Variants in ASIC5 observed in about 807,000 individuals in gnomAD.
ASIC5 encodes the protein bile acid-sensitive ion channel.
A neutral mutation model predicts 51.2 loss-of-function variants in ASIC5; 52 were observed. The ratio of observed to expected loss-of-function variants is 1.02; its 90% confidence interval spans 0.81 to 1.28. The LOEUF is 1.28. Ranked by LOEUF, ASIC5 falls within the 50% of genes most tolerant of loss-of-function variation. ASIC5 has a pLI of 0.00. For missense variants in ASIC5, 635 were observed against 595.0 expected (o/e 1.07, Z -0.70); for synonymous variants, 231 against 200.7 (o/e 1.15, Z -1.28).
chr4:155,856,130 T>C (rs1741531845), intron 2 of ASIC5, among the ~76,000 whole-genome samples: 2 of 152,106 alleles, frequency 1.3e-5, no homozygotes, highest in Non-Finnish European at 2.9e-5. Context: ...ACATTCTTTC[T>C]ATAATCTCAA....
intron 4 of ASIC5, among the ~76,000 whole-genome samples, chr4:155,844,512 T>G (rs10009934): frequency 0.072 from 10,932 of 152,086 alleles, 1,025 homozygotes; most frequent in African/African-American, 0.22. Context: ...AACCAGCTGA[T>G]GTTAATTTCT....
intron 4 of ASIC5, 147 bp downstream of exon 4, chr4:155,852,044 A>G (rs1741392882): frequency 1.1e-6 from 1 of 901,160 alleles, no homozygotes; most frequent in Non-Finnish European, 1.6e-6. Context: ...GTAGTTATAT[A>G]AAATCCATAG....
At chr4:155,838,087 A>G (rs1741028351) in intron 7 of ASIC5, among the ~76,000 whole-genome samples, 1 of 152,204 alleles carries the variant, frequency 6.6e-6, no homozygotes, top group African/African-American at 2.4e-5. Context: ...TTTTACAACC[A>G]TTGAAAAGAA....
chr4:155,835,559 A>G (rs1740959968), intron 8 of ASIC5, among the ~76,000 whole-genome samples: 2 of 152,180 alleles, frequency 1.3e-5, no homozygotes, highest in Admixed American at 6.5e-5. Flanking sequence ...GGAGATTTCT[A>G]TCAACCAAAA....
At chr4:155,863,185 T>C (rs1741757969) in intron 2 of ASIC5, among the ~76,000 whole-genome samples, 1 of 152,154 alleles carries the variant, frequency 6.6e-6, no homozygotes, top group South Asian at 2.1e-4. Flanking sequence ...CTCTTTTACA[T>C]CTATTTAATG....
intron 8 of ASIC5, 77 bp from the exon 9 acceptor site, chr4:155,831,992 T>A (rs1247384145): frequency 6.7e-6 from 5 of 751,730 alleles, no homozygotes; most frequent in Non-Finnish European, 8.7e-6. Context: ...AAAGGTAATA[T>A]TCATTTTTGT....
intron 4 of ASIC5, among the ~76,000 whole-genome samples, chr4:155,847,265 C>A (rs953993628): frequency 7.2e-5 from 11 of 152,054 alleles, no homozygotes; most frequent in African/African-American, 2.4e-4. Context: ...AAGGTTATTA[C>A]ATCCATGTAT....
intron 7 of ASIC5, among the ~76,000 whole-genome samples, 154 bp downstream of exon 7, chr4:155,838,659 T>C (rs111877917): frequency 1.6e-4 from 24 of 152,314 alleles, no homozygotes; most frequent in African/African-American, 5.8e-4. Flanking sequence ...CCTGTGTTTG[T>C]TAGCTACTAT....
At chr4:155,835,760 C>A (rs1464301965) in intron 8 of ASIC5, among the ~76,000 whole-genome samples, 1 of 152,116 alleles carries the variant, frequency 6.6e-6, no homozygotes, top group Non-Finnish European at 1.5e-5. Flanking sequence ...ACTCCATTAG[C>A]CCTGTTTTGA....
intron 4 of ASIC5, among the ~76,000 whole-genome samples, chr4:155,846,191 C>A (rs1399428495): frequency 6.6e-6 from 1 of 151,928 alleles, no homozygotes; most frequent in Non-Finnish European, 1.5e-5. Flanking sequence ...TTTAAAATTA[C>A]TAGTAAAGTA....
At chr4:155,866,141 A>G (rs1292761255) in intron 1 of ASIC5, 46 bp downstream of exon 1, 3 of 1,302,664 alleles carry the variant, frequency 2.3e-6, no homozygotes, top group African/African-American at 2.9e-5. Flanking sequence ...TCTGGCCTCT[A>G]GAAATGAAAA....
chr4:155,855,990 G>T (rs1260054222), intron 2 of ASIC5, among the ~76,000 whole-genome samples: 1 of 151,920 alleles, frequency 6.6e-6, no homozygotes, highest in African/African-American at 2.4e-5. Flanking sequence ...TTGCCATCTT[G>T]TCTCTCTGAA....
intron 1 of ASIC5, chr4:155,865,074 G>A (rs1245144465): frequency 6.6e-6 from 1 of 151,840 alleles, no homozygotes; most frequent in South Asian, 2.1e-4. Flanking sequence ...TTCAGTTATA[G>A]GACATATGCT....
chr4:155,849,367 T>G (rs1451545868), intron 4 of ASIC5, among the ~76,000 whole-genome samples: 1 of 152,034 alleles, frequency 6.6e-6, no homozygotes, highest in East Asian at 1.9e-4. Context: ...AAAAGTCTTA[T>G]CTGACATTCC....
intron 2 of ASIC5, among the ~76,000 whole-genome samples, chr4:155,861,654 T>C (rs933477660): frequency 1.3e-5 from 2 of 152,106 alleles, no homozygotes; most frequent in Non-Finnish European, 2.9e-5. Context: ...GATTGTCTAA[T>C]CCATTCTAAT....
chr4:155,838,924 T>C (rs1451855947), intron 6 of ASIC5, 55 bp from the exon 7 acceptor site: 2 of 983,774 alleles, frequency 2.0e-6, no homozygotes, highest in South Asian at 3.0e-5. Flanking sequence ...AAATAAGTGA[T>C]CTAATGACAA....
At position 155,842,281 on chromosome 4, in the gene ASIC5, G is replaced by GT; in HGVS notation, c.934dup (p.Thr312AsnfsTer32). ...TTTGCATTCCTTCAAGCAACCAGAAGTGCTGTAGCTGCTAAAATTCTGCAG... is the reference window on the plus strand; with the variant it reads ...TTTGCATTCCTTCAAGCAACCAGAAGTTGCTGTAGCTGCTAAAATTCTGCAG... On this transcript the variant is annotated frameshift_variant, in exon 6 of 10. Transcript: ENST00000537611. LOFTEE classifies it high-confidence loss of function. 1 of 1,613,636 alleles carries GT rather than the reference G, an allele frequency of 6.2e-7. No individual in the cohort carries two copies. The highest frequency in any genetic ancestry group is 8.5e-7 in the Non-Finnish European group (1 of 1,179,714).
At chr4:155,855,291 A>T (rs941660392) in intron 2 of ASIC5, 1 of 152,012 alleles carries the variant, frequency 6.6e-6, no homozygotes. Flanking sequence ...TGTTTTTCTT[A>T]AAATTTTTAG....
intron 6 of ASIC5, among the ~76,000 whole-genome samples, chr4:155,840,739 A>G (rs957725309): frequency 1.6e-4 from 24 of 152,194 alleles, no homozygotes; most frequent in Admixed American, 1.4e-3. Flanking sequence ...ATTAGCCACA[A>G]GATTAGAAAT....
Sources: allele counts gnomAD v4.1 joint callset (sites outside exome capture counted in the v4.1 genomes callset), GRCh38; gene constraint gnomAD v4.1.1; transcripts MANE v1.5; gene names NCBI Gene and HGNC (gene_info 2026-07-23, HGNC 2026-07-21).